Variants in PARD3B observed in about 807,000 individuals in gnomAD.
PARD3B encodes the protein par-3 family cell polarity regulator beta.
PARD3B carries 103 observed loss-of-function variants against 130.2 expected under a neutral mutation model. The ratio of observed to expected loss-of-function variants is 0.79; its 90% confidence interval spans 0.67 to 0.93. The LOEUF (loss-of-function observed/expected upper bound fraction) is 0.93, where lower values mean the gene tolerates loss of function less well. Among genes scored for constraint, PARD3B ranks in the 40% least tolerant of loss-of-function variants. The probability of loss-of-function intolerance (pLI) is 0.00; values close to 1 mark genes in which losing one functional copy is unlikely to be tolerated. For missense variants in PARD3B, 1,609 were observed against 1,499.2 expected, an observed-to-expected ratio of 1.07 and a Z score of -1.21; for synonymous variants, 583 against 553.2, an observed-to-expected ratio of 1.05 and a Z score of -0.76.
Position 205,121,990 on chromosome 2 carries a change from A to G in PARD3B, c.1165+41A>G, listed in dbSNP as rs762872598. The stretch of plus-strand genomic sequence containing the variant: ...TGCCTAATAGCATTCTATTATTGTA[A>G]CATGTAAAATTGGTTAAGAGAAATG... On this transcript the variant is annotated intron_variant, in intron 8 of 22. Transcript: ENST00000406610. The surrounding 1 kb of genome is among the most constrained non-coding windows in gnomAD (Gnocchi z 5.0). 1 of 1,499,812 alleles carries G rather than the reference A, an allele frequency of 6.7e-7. No individual in the cohort carries two copies. The highest frequency in any genetic ancestry group is 1.2e-5 in the South Asian group (1 of 81,150). The allele number at this position is 1,499,812 out of a possible 1,614,324, so 92.9% of individuals were successfully genotyped here.
chr2:204,908,160 A>G (rs1055237947), intron 2 of PARD3B, among the ~76,000 whole-genome samples: 6 of 152,198 alleles, frequency 3.9e-5, no homozygotes, highest in Non-Finnish European at 5.9e-5. Flanking sequence ...AATATCTTCT[A>G]TCTTTGAACT....
chr2:204,611,927 C>G (rs1316523696), intron 1 of PARD3B, among the ~76,000 whole-genome samples: 1 of 152,102 alleles, frequency 6.6e-6, no homozygotes, highest in African/African-American at 2.4e-5. Context: ...TGAGTCTGTT[C>G]AAAGCCTATT....
At chr2:204,947,785 G>A (rs547478247) in intron 2 of PARD3B, among the ~76,000 whole-genome samples, 59 of 152,236 alleles carry the variant, frequency 3.9e-4, no homozygotes, top group African/African-American at 1.3e-3. Flanking sequence ...GAGATCTACC[G>A]TGAGTTCTAA....
intron 2 of PARD3B, among the ~76,000 whole-genome samples, chr2:204,844,131 C>A (rs2044365776): frequency 6.6e-6 from 1 of 152,108 alleles, no homozygotes; most frequent in Non-Finnish European, 1.5e-5. Context: ...CACAAATAAG[C>A]CTTTCCCAAA....
At chr2:205,413,936 G>C (rs566817736) in intron 19 of PARD3B, among the ~76,000 whole-genome samples, 1 of 152,128 alleles carries the variant, frequency 6.6e-6, no homozygotes, top group African/African-American at 2.4e-5. Context: ...TGGAAGATAC[G>C]CCTTTTTAGG....
intron 2 of PARD3B, among the ~76,000 whole-genome samples, chr2:204,848,045 A>G (rs972477891): frequency 1.3e-5 from 2 of 152,196 alleles, no homozygotes; most frequent in African/African-American, 2.4e-5. Flanking sequence ...GTCCAGTGCA[A>G]TAAGATATTT....
At chr2:205,438,478 C>T (rs900107624) in intron 19 of PARD3B, among the ~76,000 whole-genome samples, 1 of 152,192 alleles carries the variant, frequency 6.6e-6, no homozygotes, top group African/African-American at 2.4e-5. Context: ...ATAGCAACCA[C>T]ACAGAATCCT....
At position 205,619,531 on chromosome 2, in the gene PARD3B, C is replaced by G. The variant is rs186719182; in HGVS notation, c.*3718C>G. On this transcript the variant is annotated 3_prime_UTR_variant, in exon 23 of 23. Transcript: ENST00000406610. ...GGCAGGAGGGATTTGGACTCAGAAACAGCCACAGAAGTATTTCTCAGCACT... is the reference window on the plus strand; with the variant it reads ...GGCAGGAGGGATTTGGACTCAGAAAGAGCCACAGAAGTATTTCTCAGCACT... 8.5e-5 allele frequency: 13 copies of G among 152,274 alleles called. No homozygotes were observed. The East Asian group carries it at 2.5e-3, about 29-fold the overall frequency. 9.4% of individuals were successfully genotyped at this position (152,274 alleles called of 1,614,324 possible).
intron 3 of PARD3B, among the ~76,000 whole-genome samples, chr2:205,033,924 G>A (rs375584398): frequency 6.6e-6 from 1 of 152,138 alleles, no homozygotes. Flanking sequence ...CATCTACTGG[G>A]ATTGTTTAGC....
At chr2:204,691,541 ATC>A (rs1242560604) in intron 2 of PARD3B, among the ~76,000 whole-genome samples, 1 of 152,056 alleles carries the variant, frequency 6.6e-6, no homozygotes, top group African/African-American at 2.4e-5. Flanking sequence ...AAGCTTCTTC[ATC>A]TCTCTGGTCT....
At chr2:205,393,093 AGCT>A (rs762612871) in intron 18 of PARD3B, among the ~76,000 whole-genome samples, 4 of 152,182 alleles carry the variant, frequency 2.6e-5, no homozygotes, top group Non-Finnish European at 5.9e-5. Context: ...TAGAAGCAAA[AGCT>A]GCGGTTCACA....
chr2:205,618,801 A>T lies in PARD3B; in HGVS notation c.*2988A>T, dbSNP rs1368784178. 1.3e-5 allele frequency: 2 copies of T among 152,338 alleles called. No individual in the cohort carries two copies. Among genetic ancestry groups the T allele is most frequent in the South Asian group, 2.1e-4 (1 of 4,822 alleles). The allele number at this position is 152,338 out of a possible 1,614,324, so 9.4% of individuals were successfully genotyped here. A position where few individuals can be genotyped will look rare whatever the true frequency, so the allele number is the denominator to read the frequency against. ...CAGCCTCCCCAGAATCCATTATGCC[A>T]TCGGGTTGTGGCACTCTCACCCTTG... On this transcript the variant is annotated 3_prime_UTR_variant, in exon 23 of 23. Transcript: ENST00000406610.
rs999309362 is a variant in PARD3B, at chr2:205,011,287, G to T, written c.395-36294G>T. Among the ~76,000 whole-genome samples, 29 of 152,170 alleles carry T rather than the reference G, an allele frequency of 1.9e-4. No individual in the cohort carries two copies. The highest frequency in any genetic ancestry group is 1.9e-3 in the Admixed American group (29 of 15,282). On this transcript the variant is annotated intron_variant, in intron 3 of 22. Transcript: ENST00000406610. This position sits in a 1 kb window ranked among gnomAD's most constrained non-coding sequence, Gnocchi z 4.1. ...CTGGCTCGGGGTTTCCCAAGAGTCTGTAGCCAAGCTGTCATCTCAAGGATG... is the reference window on the plus strand; with the variant it reads ...CTGGCTCGGGGTTTCCCAAGAGTCTTTAGCCAAGCTGTCATCTCAAGGATG...
intron 2 of PARD3B, among the ~76,000 whole-genome samples, chr2:204,816,190 C>T (rs2043139929): frequency 6.6e-6 from 1 of 151,846 alleles, no homozygotes; most frequent in African/African-American, 2.4e-5. Context: ...TTCTGTCCTT[C>T]TGATCATTGT....
intron 3 of PARD3B, among the ~76,000 whole-genome samples, chr2:204,978,211 A>C (rs1376023090): frequency 1.3e-5 from 2 of 152,130 alleles, no homozygotes; most frequent in African/African-American, 4.8e-5. Context: ...ACAAACATCT[A>C]GTCTGTGTGT....
chr2:205,211,533 TAAC>T (rs1262660875), intron 15 of PARD3B, among the ~76,000 whole-genome samples: 3 of 148,708 alleles, frequency 2.0e-5, no homozygotes, highest in African/African-American at 7.5e-5. Flanking sequence ...TAAACGATAA[TAAC>T]GCAATAAGTG....
At chr2:205,132,077 G>T (rs1373483458) in intron 10 of PARD3B, among the ~76,000 whole-genome samples, 1 of 152,184 alleles carries the variant, frequency 6.6e-6, no homozygotes, top group East Asian at 1.9e-4. Context: ...TGAGATGCAT[G>T]TAAAATGCTT....
intron 21 of PARD3B, among the ~76,000 whole-genome samples, chr2:205,529,682 T>C (rs1053150859): frequency 4.6e-5 from 7 of 152,210 alleles, no homozygotes; most frequent in Non-Finnish European, 1.0e-4. Context: ...GGACATGCCA[T>C]TAGGTAGAAA....
Position 204,835,415 on chromosome 2 carries a change from C to T in PARD3B, c.223-129737C>T, listed in dbSNP as rs188036512. Among the ~76,000 whole-genome samples, 436 of 152,220 alleles carry T rather than the reference C, an allele frequency of 2.9e-3. 4 individuals are homozygous for T. The highest frequency in any genetic ancestry group is 1.0e-2 in the African/African-American group (414 of 41,532). On this transcript the variant is annotated intron_variant, in intron 2 of 22. Coordinates refer to ENST00000406610, the MANE Select transcript of PARD3B (RefSeq NM_001302769.2). Reference sequence around the variant, plus strand: ...AAACATGAGTATGGTTTCTATCTGACGTTCCATTTCTTGTTCCATTGATCC... The same window carrying T: ...AAACATGAGTATGGTTTCTATCTGATGTTCCATTTCTTGTTCCATTGATCC...
Sources: allele counts gnomAD v4.1 joint callset (sites outside exome capture counted in the v4.1 genomes callset), GRCh38; gene constraint gnomAD v4.1.1; non-coding constraint Gnocchi (gnomAD v3.1); transcripts MANE v1.5; gene names NCBI Gene and HGNC (gene_info 2026-07-23, HGNC 2026-07-21).